The following DCLK1 variants were observed in gnomAD, a reference collection of about 807,000 sequenced individuals.
DCLK1 encodes serine/threonine-protein kinase DCLK1.
A neutral mutation model predicts 86.2 loss-of-function variants in DCLK1; 16 were observed. The observed-to-expected ratio is 0.19, with a 90% CI of 0.13 to 0.28. The LOEUF is 0.28. DCLK1 is among the 10% of genes least tolerant of loss of function. The pLI, the probability that DCLK1 is intolerant of heterozygous loss-of-function variation, is 1.00. For synonymous variants in DCLK1, 369 were observed against 370.5 expected (o/e 1.00, Z 0.05); for missense variants, 590 against 940.2 (o/e 0.63, Z 4.87).
intron 4 of DCLK1, among the ~76,000 whole-genome samples, chr13:35,902,002 T>C (rs937400829): frequency 5.3e-5 from 8 of 152,234 alleles, no homozygotes; most frequent in Admixed American, 3.3e-4. Context: ...GAACGGTTTA[T>C]GTTTGGTACC....
chr13:35,787,856 A>G, intron 16 of DCLK1: 1 of 334,236 alleles, frequency 3.0e-6, no homozygotes, highest in East Asian at 8.0e-5. Flanking sequence ...CTAGCGTGCT[A>G]TTGTTCTTCC....
chr13:35,835,442 A>G (rs7337793), intron 8 of DCLK1, among the ~76,000 whole-genome samples: 2,602 of 152,260 alleles, frequency 0.017, 81 homozygotes, highest in African/African-American at 0.059. Context: ...CTGGGTTGTA[A>G]CTTTATCAGT....
chr13:36,077,655 G>C (rs1157599), intron 3 of DCLK1, among the ~76,000 whole-genome samples: 109,697 of 152,078 alleles, frequency 0.72, 40,758 homozygotes, highest in East Asian at 0.99. Flanking sequence ...GCAGTCAACA[G>C]AGCAAACAGA....
At chr13:36,125,011 G>A (rs753720334) in intron 2 of DCLK1, among the ~76,000 whole-genome samples, 3 of 152,002 alleles carry the variant, frequency 2.0e-5, no homozygotes, top group African/African-American at 7.3e-5. Flanking sequence ...GCCCAGAGTC[G>A]GTGACCTTCT....
At chr13:36,019,547 CTTTG>C (rs907362577) in intron 3 of DCLK1, among the ~76,000 whole-genome samples, 3 of 152,184 alleles carry the variant, frequency 2.0e-5, no homozygotes, top group Non-Finnish European at 4.4e-5. Context: ...GACCTCACTT[CTTTG>C]TTCACATCAC....
chr13:35,847,087 GA>G (rs1870234583), intron 6 of DCLK1: 2 of 982,238 alleles, frequency 2.0e-6, no homozygotes, highest in Admixed American at 6.2e-5. Flanking sequence ...ACACACAATA[GA>G]AAAAAATCAT....
At chr13:35,908,010 G>A (rs1370691022) in intron 4 of DCLK1, among the ~76,000 whole-genome samples, 5 of 151,830 alleles carry the variant, frequency 3.3e-5, no homozygotes, top group African/African-American at 7.3e-5. Context: ...GTGGCTTTGC[G>A]ATTTTAGTCT....
In DCLK1 at chr13:35,772,095, C is replaced by T. The variant is rs1035835069; in HGVS notation, c.*2440G>A. The T allele has an allele frequency of 1.3e-5, 2 of 152,280 alleles. No individual in the cohort carries two copies. The highest frequency in any genetic ancestry group is 4.8e-5 in the African/African-American group (2 of 41,570). 9.4% of individuals were successfully genotyped at this position (152,280 alleles called of 1,614,324 possible). On this transcript the variant is annotated 3_prime_UTR_variant, in exon 17 of 17. Coordinates refer to ENST00000360631, the MANE Select transcript of DCLK1 (RefSeq NM_001330071.2). Reference sequence around the variant, plus strand: ...TCCATCTGATTACTCAAGATTTCTACTTGACTGGTCACATTCCACTGTTTA... The same window carrying T: ...TCCATCTGATTACTCAAGATTTCTATTTGACTGGTCACATTCCACTGTTTA...
intron 4 of DCLK1, among the ~76,000 whole-genome samples, chr13:35,947,028 T>A (rs750166003): frequency 6.6e-6 from 1 of 151,768 alleles, no homozygotes; most frequent in African/African-American, 2.4e-5. Flanking sequence ...TGATGACAAA[T>A]CCCTCAGCTA....
chr13:35,826,993 C>T lies in DCLK1; in HGVS notation c.1407+642G>A, dbSNP rs75204329. On this transcript the variant is annotated intron_variant, in intron 10 of 16. Coordinates refer to ENST00000360631, the MANE Select transcript of DCLK1 (RefSeq NM_001330071.2). ...GCCATTTTTTAAAACTTCTACTTCC[C>T]GAAAATGTCAAATGTATGGAAGGAG... Among the ~76,000 whole-genome samples the T allele has an allele frequency of 2.1e-3, 321 of 152,226 alleles. 1 individual carries two copies. The highest frequency in any genetic ancestry group is 6.9e-3 in the African/African-American group (285 of 41,550).
At chr13:36,072,769 C>T (rs551211556) in intron 3 of DCLK1, among the ~76,000 whole-genome samples, 70 of 152,298 alleles carry the variant, frequency 4.6e-4, no homozygotes, top group Middle Eastern at 3.4e-3. Flanking sequence ...GCAGCCCTAC[C>T]TTGTTAAAAA....
At chr13:35,845,296 T>C (rs1037943291) in intron 6 of DCLK1, among the ~76,000 whole-genome samples, 7 of 152,214 alleles carry the variant, frequency 4.6e-5, no homozygotes, top group Non-Finnish European at 7.3e-5. Context: ...GAATTTCCTA[T>C]CCTCTTTAAC....
intron 2 of DCLK1, among the ~76,000 whole-genome samples, chr13:36,113,948 T>C (rs1885696832): frequency 6.6e-6 from 1 of 152,052 alleles, no homozygotes; most frequent in African/African-American, 2.4e-5. Context: ...GCCCTAACAC[T>C]CCCCAGTGAG....
chr13:35,808,363 T>C, intron 13 of DCLK1, 43 bp from the exon 14 acceptor site: 3 of 1,509,522 alleles, frequency 2.0e-6, no homozygotes, highest in Non-Finnish European at 2.8e-6. Flanking sequence ...CACTAAGATA[T>C]CAACTCAGTG....
chr13:35,958,420 C>T (rs1159088412), intron 3 of DCLK1, among the ~76,000 whole-genome samples: 2 of 151,384 alleles, frequency 1.3e-5, no homozygotes, highest in Admixed American at 1.3e-4. Context: ...ATCACCACCA[C>T]CATCATCACT....
Position 35,858,677 on chromosome 13 carries a change from T to C in DCLK1, c.941-4084A>G, listed in dbSNP as rs532824484. On this transcript the variant is annotated intron_variant, in intron 5 of 16. Coordinates refer to ENST00000360631, the MANE Select transcript of DCLK1 (RefSeq NM_001330071.2). ...TTATTGCAATGGTAATTGTGGTTTT[T>C]GCCATTAAAAGTAAAGCAAAAACTG... Among the ~76,000 whole-genome samples, 14 of 152,282 alleles carry C rather than the reference T, an allele frequency of 9.2e-5. No individual in the cohort carries two copies. The South Asian group carries it at 2.7e-3, about 29-fold the overall frequency.
intron 3 of DCLK1, among the ~76,000 whole-genome samples, chr13:35,951,453 T>C (rs1158511187): frequency 6.7e-6 from 1 of 150,140 alleles, no homozygotes; most frequent in Non-Finnish European, 1.5e-5. Flanking sequence ...TATCCTTTCT[T>C]ACTCTTTGCC....
chr13:35,917,817 C>T (rs371013962), intron 4 of DCLK1, among the ~76,000 whole-genome samples: 40 of 142,854 alleles, frequency 2.8e-4, no homozygotes, highest in African/African-American at 8.9e-4. Context: ...TGGCGGGGGG[C>T]AGGGCGGGGA....
intron 3 of DCLK1, among the ~76,000 whole-genome samples, chr13:35,986,293 T>A (rs1447507230): frequency 2.3e-5 from 2 of 86,770 alleles, no homozygotes; most frequent in Non-Finnish European, 4.0e-5. Context: ...CAGAGTGGAC[T>A]CCGTCTCAAA....
Sources: gnomAD v4.1 joint callset for allele counts (sites outside exome capture counted in the v4.1 genomes callset) on GRCh38, gnomAD v4.1.1 for gene constraint, MANE v1.5 for transcripts, NCBI Gene and HGNC (gene_info 2026-07-23, HGNC 2026-07-21) for gene names.